HIVEP1: variants seen among roughly 807,000 people sequenced by gnomAD.
HIVEP1 encodes the protein zinc finger protein 40.
In HIVEP1, 36 loss-of-function variants were observed where a neutral mutation model predicts 180.0. The ratio of observed to expected loss-of-function variants is 0.20; its 90% CI spans 0.15 to 0.26. The LOEUF (loss-of-function observed/expected upper bound fraction) is 0.26. Among genes scored for constraint, HIVEP1 ranks in the 10% least tolerant of loss-of-function variants. The probability of loss-of-function intolerance (pLI) is 1.00; values close to 1 mark genes in which losing one functional copy is unlikely to be tolerated. For synonymous variants in HIVEP1, 1,239 were observed against 1,239.0 expected, an observed-to-expected ratio of 1.00 and a Z score of 0.00; for missense variants, 3,143 against 3,268.7, an observed-to-expected ratio of 0.96 and a Z score of 0.94.
At chr6:12,092,132 A>G (rs568041887) in intron 3 of HIVEP1, among the ~76,000 whole-genome samples, 1 of 152,284 alleles carries the variant, frequency 6.6e-6, no homozygotes, top group South Asian at 2.1e-4. Flanking sequence ...GAATGTTGCC[A>G]GTACCATTGT....
At chr6:12,125,984 G>T (rs183357229) in intron 4 of HIVEP1, 114 bp downstream of exon 4, 217 of 656,588 alleles carry the variant, frequency 3.3e-4, no homozygotes, top group Admixed American at 1.4e-3. Flanking sequence ...GACAAATTGT[G>T]CTGTAAATGT....
Position 12,164,995 on chromosome 6 carries a change from CT to C in HIVEP1, c.*537del, listed in dbSNP as rs1310092451. 8.0e-6 allele frequency: 3 copies of C among 374,494 alleles called. No homozygotes were observed. Among genetic ancestry groups the C allele is most frequent in the African/African-American group, 2.2e-5 (1 of 46,054 alleles). 23.2% of individuals were successfully genotyped at this position (374,494 alleles called of 1,614,324 possible). ...GTTTCAGTAAAATATTGTTTACTGA[CT>C]TTACCATTGCTTCAGTTGTGCCTTC... On this transcript the variant is annotated 3_prime_UTR_variant, in exon 9 of 9. Transcript: ENST00000379388.
chr6:12,136,365 G>A (rs1758705536), intron 7 of HIVEP1, among the ~76,000 whole-genome samples: 1 of 152,012 alleles, frequency 6.6e-6, no homozygotes, highest in Non-Finnish European at 1.5e-5. Context: ...GGCTCCCAGT[G>A]CCCTGGTCAA....
chr6:12,141,963 T>G (rs150807524), intron 7 of HIVEP1, among the ~76,000 whole-genome samples: 1 of 152,170 alleles, frequency 6.6e-6, no homozygotes, highest in Non-Finnish European at 1.5e-5. Context: ...CTGTCAGTAT[T>G]AGACAGATCA....
the HIVEP1 span, among the ~76,000 whole-genome samples, chr6:12,171,660 AAAG>A: frequency 6.6e-6 from 1 of 152,174 alleles, no homozygotes; most frequent in African/African-American, 2.4e-5. Flanking sequence ...AGGGATTGTG[AAAG>A]AAGAGAAAGT....
At chr6:12,130,394 G>A (rs759679530) in intron 5 of HIVEP1, among the ~76,000 whole-genome samples, 1 of 152,234 alleles carries the variant, frequency 6.6e-6, no homozygotes, top group African/African-American at 2.4e-5. Context: ...ATGCAGTAGT[G>A]CAGCGCAGTG....
chr6:12,095,322 G>C (rs1773721354), intron 3 of HIVEP1, among the ~76,000 whole-genome samples: 1 of 151,510 alleles, frequency 6.6e-6, no homozygotes, highest in Non-Finnish European at 1.5e-5. Context: ...TCTTAACTTG[G>C]AATGCTCATT....
chr6:12,084,508 T>G (rs1348052256), intron 2 of HIVEP1, among the ~76,000 whole-genome samples: 1 of 152,184 alleles, frequency 6.6e-6, no homozygotes, highest in East Asian at 1.9e-4. Flanking sequence ...TGGCTGTGTG[T>G]GCTGGATACA....
At chr6:12,046,946 C>T (rs975856797) in intron 2 of HIVEP1, among the ~76,000 whole-genome samples, 20 of 150,722 alleles carry the variant, frequency 1.3e-4, no homozygotes, top group African/African-American at 4.4e-4. Flanking sequence ...CTGCAATCTT[C>T]GCCTCCTGGG....
In HIVEP1 at chr6:12,161,584, T is replaced by C. The variant is rs2113687069; in HGVS notation, c.6633T>C (p.Ala2211=). 6.2e-7 allele frequency: 1 copy of C among 1,614,120 alleles called. No individual in the cohort carries two copies. The highest frequency in any genetic ancestry group is 1.6e-4 in the Middle Eastern group (1 of 6,062). The change falls in exon 8 of 9, where the codon GCT becomes GCC. Residue 2211 remains alanine, a synonymous_variant. Transcript: ENST00000379388. ...SVLSATPSVT[A]SPQHLPSRSS... ...TGTCAGCCACACCCTCAGTCACAGCTAGCCCGCAGCACCTTCCATCTAGAA... is the reference window on the plus strand; with the variant it reads ...TGTCAGCCACACCCTCAGTCACAGCCAGCCCGCAGCACCTTCCATCTAGAA...
At chr6:12,206,824 G>GT in the HIVEP1 span, among the ~76,000 whole-genome samples, 79 of 152,166 alleles carry the variant, frequency 5.2e-4, 1 homozygote, top group South Asian at 8.1e-3. Flanking sequence ...AGGCAGCTGG[G>GT]TTTTGTGCAG....
Position 12,161,912 on chromosome 6 carries a change from G to A in HIVEP1, c.6961G>A (p.Ala2321Thr). 1 of 1,611,438 alleles carries A rather than the reference G, an allele frequency of 6.2e-7. No homozygotes were observed. The highest frequency in any genetic ancestry group is 8.5e-7 in the Non-Finnish European group (1 of 1,178,222). The part of the protein sequence containing the change: ...EILRSSMAGK[A>T]VAITQSPSSV... ...TCTGAGAAGTTCTATGGCAGGAAAA[G>A]CTGTTGCTATAACACAGGTAAATGA... Residue 2321 changes from alanine to threonine, a missense_variant, in exon 8 of 9, where the codon GCT becomes ACT. Physicochemically the swap from Ala to Thr is moderately conservative, Grantham distance 58. Coordinates refer to ENST00000379388, the MANE Select transcript of HIVEP1 (RefSeq NM_002114.4).
chr6:12,159,901 C>A (rs1261934415), intron 7 of HIVEP1, among the ~76,000 whole-genome samples: 4 of 152,116 alleles, frequency 2.6e-5, no homozygotes, highest in Non-Finnish European at 5.9e-5. Context: ...GAAATAATCA[C>A]CCTCCAATCT....
At chr6:12,192,564 A>G in the HIVEP1 span, among the ~76,000 whole-genome samples, 2 of 151,988 alleles carry the variant, frequency 1.3e-5, no homozygotes, top group African/African-American at 2.4e-5. Context: ...TGTTGTCGTG[A>G]TAGGGAGTGA....
At chr6:12,010,935 C>G (rs1273142854), upstream of HIVEP1, among the ~76,000 whole-genome samples, 1 of 152,182 alleles carries the variant, frequency 6.6e-6, no homozygotes, top group African/African-American at 2.4e-5. Context: ...CCCGCACCCC[C>G]CTTTTCTGTC....
At chr6:12,113,634 C>G (rs1044577310) in intron 3 of HIVEP1, among the ~76,000 whole-genome samples, 4 of 152,184 alleles carry the variant, frequency 2.6e-5, no homozygotes, top group Admixed American at 2.6e-4. Flanking sequence ...GCTTTGTGTT[C>G]AAGGCCTAGA....
At chr6:12,037,065 G>A (rs892404857) in intron 2 of HIVEP1, among the ~76,000 whole-genome samples, 1 of 152,162 alleles carries the variant, frequency 6.6e-6, no homozygotes, top group African/African-American at 2.4e-5. Flanking sequence ...TCAAGTTTTG[G>A]AGGATGTGGA....
chr6:12,058,096 G>A (rs894027618), intron 2 of HIVEP1, among the ~76,000 whole-genome samples: 2 of 152,044 alleles, frequency 1.3e-5, no homozygotes, highest in Non-Finnish European at 2.9e-5. Flanking sequence ...TTGTCACATC[G>A]CTTTAGTGTG....
intron 2 of HIVEP1, among the ~76,000 whole-genome samples, chr6:12,080,674 TA>T (rs1320904194): frequency 6.6e-6 from 1 of 152,164 alleles, no homozygotes; most frequent in Admixed American, 6.5e-5. Context: ...TTTGAACTTT[TA>T]AAAGTTTTTT....
Sources: gnomAD v4.1 joint callset for allele counts (sites outside exome capture counted in the v4.1 genomes callset) on GRCh38, gnomAD v4.1.1 for gene constraint, MANE v1.5 for transcripts, NCBI Gene and HGNC (gene_info 2026-07-23, HGNC 2026-07-21) for gene names.